The following RNGTT variants were observed in gnomAD, a reference collection of about 807,000 sequenced individuals.
RNGTT encodes RNA guanylyltransferase and 5'-phosphatase.
RNGTT carries 33 observed loss-of-function variants against 79.3 expected under a neutral mutation model. The ratio of observed to expected loss-of-function variants is 0.42; its 90% CI spans 0.32 to 0.56. RNGTT has a LOEUF of 0.56. Among genes scored for constraint, RNGTT ranks in the 20% least tolerant of loss-of-function variants. The pLI, the probability that RNGTT is intolerant of heterozygous loss-of-function variation, is 0.17. For synonymous variants in RNGTT, 222 were observed against 235.9 expected (o/e 0.94, Z 0.54); for missense variants, 497 against 739.1 (o/e 0.67, Z 3.80).
At chr6:88,681,061 T>C (rs1395702963) in intron 13 of RNGTT, among the ~76,000 whole-genome samples, 3 of 152,204 alleles carry the variant, frequency 2.0e-5, no homozygotes, top group African/African-American at 4.8e-5. Context: ...AAATTGAATG[T>C]TAGTTATATA....
At chr6:88,818,395 C>A (rs1780393949) in intron 11 of RNGTT, among the ~76,000 whole-genome samples, 1 of 151,778 alleles carries the variant, frequency 6.6e-6, no homozygotes, top group Non-Finnish European at 1.5e-5. Flanking sequence ...CCAGCCTGGC[C>A]AACATGGTGA....
At chr6:88,786,783 C>T (rs1335260044) in intron 12 of RNGTT, among the ~76,000 whole-genome samples, 1 of 152,128 alleles carries the variant, frequency 6.6e-6, no homozygotes, top group Non-Finnish European at 1.5e-5. Flanking sequence ...GTGCTACAGA[C>T]TGATGTTTGT....
intron 11 of RNGTT, among the ~76,000 whole-genome samples, chr6:88,825,561 A>T (rs1423326399): frequency 1.3e-5 from 2 of 152,202 alleles, no homozygotes; most frequent in Non-Finnish European, 2.9e-5. Context: ...CTATTTTCCA[A>T]ATCAGTGTGT....
intron 14 of RNGTT, among the ~76,000 whole-genome samples, chr6:88,655,293 C>A (rs1773935229): frequency 6.6e-6 from 1 of 151,968 alleles, no homozygotes; most frequent in African/African-American, 2.4e-5. Flanking sequence ...AAATAACAAT[C>A]TGAGCTTGAA....
intron 14 of RNGTT, among the ~76,000 whole-genome samples, chr6:88,625,177 T>C (rs1772581322): frequency 6.6e-6 from 1 of 151,964 alleles, no homozygotes; most frequent in African/African-American, 2.4e-5. Context: ...GCAGTTTCTT[T>C]ATAAAGTCAA....
At chr6:88,834,282 T>C (rs551999659) in intron 11 of RNGTT, among the ~76,000 whole-genome samples, 19 of 152,184 alleles carry the variant, frequency 1.2e-4, no homozygotes, top group Non-Finnish European at 2.5e-4. Context: ...AATCTTTACG[T>C]TCACCGTATG....
At chr6:88,898,220 A>G (rs1176353291) in intron 6 of RNGTT, among the ~76,000 whole-genome samples, 1 of 152,152 alleles carries the variant, frequency 6.6e-6, no homozygotes, top group Non-Finnish European at 1.5e-5. Context: ...ACCCAGCCCT[A>G]CTGCACCACA....
At chr6:88,635,985 G>C (rs972648596) in intron 14 of RNGTT, among the ~76,000 whole-genome samples, 1 of 152,040 alleles carries the variant, frequency 6.6e-6, no homozygotes, top group Non-Finnish European at 1.5e-5. Context: ...CTTTTTAAGA[G>C]ATATAGGTCA....
rs373661527 is a variant in RNGTT, at chr6:88,801,612, G to A, written c.1290C>T (p.Ala430=). The A allele has an allele frequency of 6.2e-7, 1 of 1,611,112 alleles. No homozygotes were observed. The change falls in exon 12 of 16, where the codon GCC becomes GCT. Residue 430 remains alanine (A), a synonymous_variant. Coordinates refer to ENST00000369485, the MANE Select transcript of RNGTT (RefSeq NM_003800.5). ...CATCCATTTCATGGCTCACTTCTTT[G>A]GCAAAATTTCCTTCAAGTAGCTATA... ...TSRKLLEGNF[A]KEVSHEMDGL... is the part of the protein sequence containing the mutation.
chr6:88,936,180 C>A (rs763974293), intron 2 of RNGTT, among the ~76,000 whole-genome samples: 14 of 152,196 alleles, frequency 9.2e-5, no homozygotes, highest in Non-Finnish European at 1.9e-4. Context: ...AAACCTCCCA[C>A]CTTAGCCTCC....
intron 6 of RNGTT, among the ~76,000 whole-genome samples, chr6:88,899,998 A>G (rs1033840114): frequency 6.6e-6 from 1 of 152,172 alleles, no homozygotes; most frequent in African/African-American, 2.4e-5. Flanking sequence ...CTTAATTAAG[A>G]TATTCTGCTC....
intron 13 of RNGTT, among the ~76,000 whole-genome samples, chr6:88,707,414 C>T (rs978620923): frequency 3.6e-5 from 4 of 110,896 alleles, no homozygotes; most frequent in Non-Finnish European, 7.3e-5. Flanking sequence ...AGGGGTGGGG[C>T]GGGGGAGGGA....
intron 14 of RNGTT, among the ~76,000 whole-genome samples, chr6:88,665,425 C>G (rs904352662): frequency 6.6e-6 from 1 of 152,264 alleles, no homozygotes; most frequent in Admixed American, 6.5e-5. Flanking sequence ...TGGAACACCC[C>G]CCTCCTACCT....
chr6:88,717,982 C>A (rs1776577878), intron 13 of RNGTT, among the ~76,000 whole-genome samples: 1 of 152,102 alleles, frequency 6.6e-6, no homozygotes, highest in South Asian at 2.1e-4. Flanking sequence ...CAACTTCACT[C>A]CTAGGTTAAT....
rs570682226 is a variant in RNGTT, at chr6:88,879,467, CACA to C, written c.896+11025_896+11027del. The stretch of plus-strand genomic sequence containing the variant: ...GCCTAAACATACTGCAGTTTATCCA[CACA>C]ACAACTATTTCTACAACACGCTATT... On this transcript the variant is annotated intron_variant, in intron 8 of 15. Transcript: ENST00000369485. 3.3e-4 allele frequency among the ~76,000 whole-genome samples: 51 copies of C among 152,286 alleles called. No individual in the cohort carries two copies. The East Asian group carries it at 9.5e-3, about 28-fold the overall frequency.
chr6:88,868,060 C>T (rs34377385), intron 8 of RNGTT, among the ~76,000 whole-genome samples: 14,401 of 151,900 alleles, frequency 0.095, 876 homozygotes, highest in Middle Eastern at 0.21. Flanking sequence ...CTTCCACTGC[C>T]ACAGCAACTA....
chr6:88,821,615 C>T (rs1241734520), intron 11 of RNGTT, among the ~76,000 whole-genome samples: 3 of 151,538 alleles, frequency 2.0e-5, no homozygotes, highest in Non-Finnish European at 2.9e-5. Context: ...TCAAAGTAAA[C>T]AAAAGCAAAA....
At chr6:88,661,289 C>T (rs1376611606) in intron 14 of RNGTT, among the ~76,000 whole-genome samples, 2 of 151,998 alleles carry the variant, frequency 1.3e-5, no homozygotes, top group Non-Finnish European at 2.9e-5. Flanking sequence ...CAAACCCAAA[C>T]CCTGCAGAAA....
chr6:88,883,347 A>G (rs1478278471), intron 8 of RNGTT, among the ~76,000 whole-genome samples: 1 of 152,238 alleles, frequency 6.6e-6, no homozygotes, highest in Admixed American at 6.5e-5. Flanking sequence ...CCAAAACCAT[A>G]TATTTCTCAT....
Sources: allele counts gnomAD v4.1 joint callset (sites outside exome capture counted in the v4.1 genomes callset), GRCh38; gene constraint gnomAD v4.1.1; transcripts MANE v1.5; gene names NCBI Gene and HGNC (gene_info 2026-07-23, HGNC 2026-07-21).